The following NMNAT2 variants were observed in gnomAD, a reference collection of about 807,000 sequenced individuals.
NMNAT2 encodes the protein nicotinamide nucleotide adenylyltransferase 2, also known as nicotinamide/nicotinic acid mononucleotide adenylyltransferase 2.
In NMNAT2, 11 loss-of-function variants were observed where a neutral mutation model predicts 41.6. The ratio of observed to expected loss-of-function variants is 0.26; its 90% CI spans 0.17 to 0.44. The LOEUF (loss-of-function observed/expected upper bound fraction) is 0.44, where lower values mean the gene tolerates loss of function less well. Among genes scored for constraint, NMNAT2 ranks in the 20% least tolerant of loss-of-function variants. NMNAT2 has a pLI of 1.00. For synonymous variants in NMNAT2, 148 were observed against 151.2 expected, an observed-to-expected ratio of 0.98 and a Z score of 0.16; for missense variants, 288 against 407.7, an observed-to-expected ratio of 0.71 and a Z score of 2.53.
intron 1 of NMNAT2, among the ~76,000 whole-genome samples, chr1:183,410,415 A>G (rs2101931604): frequency 6.6e-6 from 1 of 152,270 alleles, no homozygotes; most frequent in South Asian, 2.1e-4. Context: ...AGAAATAATA[A>G]CTTTAAAATG....
intron 3 of NMNAT2, among the ~76,000 whole-genome samples, chr1:183,292,271 G>T (rs759656810): frequency 2.5e-4 from 38 of 152,242 alleles, no homozygotes; most frequent in Non-Finnish European, 4.1e-4. Context: ...GGCCAGAAAG[G>T]CAGTGAGCAG....
In NMNAT2 at chr1:183,261,038, T is replaced by C. The variant is rs752283426; in HGVS notation, c.785A>G (p.Asn262Ser). 4 of 1,614,010 alleles carry C rather than the reference T, an allele frequency of 2.5e-6. No individual in the cohort carries two copies. The highest frequency in any genetic ancestry group is 1.1e-5 in the South Asian group (1 of 91,072). The part of the protein sequence containing the change: ...NNIMVVKDDI[N>S]HPMSVVSSTK... ...TGAGCTGACAACAGACATGGGATGGTTGATGTCATCCTTCACCACCATGAT... is the reference window on the plus strand; with the variant it reads ...TGAGCTGACAACAGACATGGGATGGCTGATGTCATCCTTCACCACCATGAT... Residue 262 changes from asparagine to serine, a missense_variant, in exon 10 of 11, where the codon AAC becomes AGC. Physicochemically the swap from Asn to Ser is conservative, Grantham distance 46. Transcript: ENST00000287713.
chr1:183,360,097 T>C (rs1379719141), intron 1 of NMNAT2, among the ~76,000 whole-genome samples: 1 of 152,170 alleles, frequency 6.6e-6, no homozygotes, highest in Non-Finnish European at 1.5e-5. Flanking sequence ...CACTCAATTG[T>C]GCTCTGTCCT....
chr1:183,395,338 T>C (rs1185259492), intron 1 of NMNAT2, among the ~76,000 whole-genome samples: 1 of 151,128 alleles, frequency 6.6e-6, no homozygotes, highest in African/African-American at 2.4e-5. Context: ...CATCAAGGGA[T>C]TTAGAGTGGT....
chr1:183,377,222 C>T (rs989867806), intron 1 of NMNAT2, among the ~76,000 whole-genome samples: 1 of 152,040 alleles, frequency 6.6e-6, no homozygotes, highest in Non-Finnish European at 1.5e-5. Flanking sequence ...GGGGTAAGAA[C>T]ACCTGAGAGA....
chr1:183,297,169 G>A (rs1661724435), intron 1 of NMNAT2, among the ~76,000 whole-genome samples: 1 of 150,824 alleles, frequency 6.6e-6, no homozygotes, highest in Non-Finnish European at 1.5e-5. Context: ...TTATTTCCCG[G>A]CCACCTCACT....
intron 1 of NMNAT2, among the ~76,000 whole-genome samples, chr1:183,417,227 C>T (rs1649280103): frequency 6.6e-6 from 1 of 152,160 alleles, no homozygotes; most frequent in African/African-American, 2.4e-5. Flanking sequence ...GATCACCTTT[C>T]CCCTACCGCT....
intron 1 of NMNAT2, among the ~76,000 whole-genome samples, chr1:183,329,765 T>G (rs960953206): frequency 6.6e-6 from 1 of 152,198 alleles, no homozygotes; most frequent in Admixed American, 6.5e-5. Flanking sequence ...GGTTCCAAGC[T>G]TGACTGAGTG....
intron 1 of NMNAT2, among the ~76,000 whole-genome samples, chr1:183,334,622 G>A (rs933594789): frequency 6.6e-6 from 1 of 151,764 alleles, no homozygotes; most frequent in African/African-American, 2.4e-5. Context: ...CGATTCTCCT[G>A]CCTCAGCCTC....
chr1:183,353,374 G>A (rs907153732), intron 1 of NMNAT2, among the ~76,000 whole-genome samples: 3 of 152,200 alleles, frequency 2.0e-5, no homozygotes, highest in African/African-American at 7.2e-5. Flanking sequence ...GAAACAGTCA[G>A]TAGGATCTTT....
chr1:183,328,331 AG>A (rs1171647962), intron 1 of NMNAT2, among the ~76,000 whole-genome samples: 1 of 152,224 alleles, frequency 6.6e-6, no homozygotes. Flanking sequence ...AGCTGAGATC[AG>A]CAAAATACGG....
intron 1 of NMNAT2, among the ~76,000 whole-genome samples, chr1:183,348,174 T>C (rs1662972319): frequency 6.6e-6 from 1 of 152,230 alleles, no homozygotes; most frequent in Admixed American, 6.5e-5. Context: ...TTGACATGAA[T>C]TTTAGTTAAA....
chr1:183,381,193 C>A (rs1000338926), intron 1 of NMNAT2, among the ~76,000 whole-genome samples: 2 of 152,108 alleles, frequency 1.3e-5, no homozygotes, highest in Non-Finnish European at 2.9e-5. Context: ...GGATGGGCAT[C>A]CCCATGACTC....
At chr1:183,349,430 A>G (rs1010732748) in intron 1 of NMNAT2, among the ~76,000 whole-genome samples, 4 of 152,270 alleles carry the variant, frequency 2.6e-5, no homozygotes, top group Non-Finnish European at 4.4e-5. Context: ...CTCGATGCTG[A>G]AGGCAAAGGA....
In NMNAT2 at chr1:183,261,725, A is replaced by T. The variant is rs543462487; in HGVS notation, c.652-422T>A. On this transcript the variant is annotated intron_variant, in intron 8 of 10. Transcript: ENST00000287713. ...ACATTTGAGCCCTCAGATGGACGTC[A>T]TGAGAGGGACTAAATGCTCTTCTGG... Among the ~76,000 whole-genome samples, 15 of 152,294 alleles carry T rather than the reference A, an allele frequency of 9.8e-5. 1 individual carries two copies. Among genetic ancestry groups the T allele is most frequent in the Admixed American group, 9.2e-4 (14 of 15,300 alleles).
chr1:183,321,810 T>G (rs1032608211), intron 1 of NMNAT2, among the ~76,000 whole-genome samples: 1 of 152,078 alleles, frequency 6.6e-6, no homozygotes, highest in South Asian at 2.1e-4. Context: ...TTTTGGTTTT[T>G]GTTTTGTTTT....
At chr1:183,273,208 G>A (rs755029742) in intron 8 of NMNAT2, among the ~76,000 whole-genome samples, 2 of 152,188 alleles carry the variant, frequency 1.3e-5, no homozygotes, top group Admixed American at 6.5e-5. Flanking sequence ...ACATGGCTGC[G>A]CTGGAGTCTG....
In NMNAT2 at chr1:183,337,708, C is replaced by A. The variant is rs142659949; in HGVS notation, c.86-43915G>T. On this transcript the variant is annotated intron_variant, in intron 1 of 10. Transcript: ENST00000287713. ...AGCCGAAGCTTCTCTCTGCTGGCAA[C>A]AATCGTTTCCTGCTCCATTTTTAAA... Among the ~76,000 whole-genome samples the A allele has an allele frequency of 2.6e-5, 4 of 152,116 alleles. No homozygotes were observed. The East Asian group carries it at 5.8e-4, about 22-fold the overall frequency.
At chr1:183,374,320 C>T (rs1191178475) in intron 1 of NMNAT2, among the ~76,000 whole-genome samples, 1 of 152,214 alleles carries the variant, frequency 6.6e-6, no homozygotes, top group Non-Finnish European at 1.5e-5. Context: ...GGGCACCTCA[C>T]CTGTGCAATT....
Sources: allele counts gnomAD v4.1 joint callset (sites outside exome capture counted in the v4.1 genomes callset), GRCh38; gene constraint gnomAD v4.1.1; transcripts MANE v1.5; gene names NCBI Gene and HGNC (gene_info 2026-07-23, HGNC 2026-07-21).